The following GFM1 variants were observed in gnomAD, a reference collection of about 807,000 sequenced individuals.
GFM1 encodes G elongation factor mitochondrial 1, also known as elongation factor G, mitochondrial.
GFM1 carries 62 observed loss-of-function variants against 96.2 expected under a neutral mutation model. The ratio of observed to expected loss-of-function variants is 0.64; its 90% confidence interval spans 0.53 to 0.80. The LOEUF (loss-of-function observed/expected upper bound fraction) is 0.80. Ranked by LOEUF, GFM1 falls within the 30% of genes least tolerant of loss-of-function variation. The pLI is 0.00. For synonymous variants in GFM1, 282 were observed against 312.9 expected, an observed-to-expected ratio of 0.90 and a Z score of 1.04; for missense variants, 852 against 916.6, an observed-to-expected ratio of 0.93 and a Z score of 0.91.
In GFM1 at chr3:158,691,672, C is replaced by G; in HGVS notation, c.*205C>G. ...AGGTAATTCTATGTCTATCTCAACT[C>G]TATTGATTGGTTTTATAGTTCATTG... On this transcript the variant is annotated 3_prime_UTR_variant, in exon 18 of 18. Coordinates refer to ENST00000486715, the MANE Select transcript of GFM1 (RefSeq NM_024996.7). 4.0e-6 allele frequency: 2 copies of G among 503,762 alleles called. No homozygotes were observed. Among genetic ancestry groups the G allele is most frequent in the East Asian group, 7.4e-5 (2 of 27,124 alleles). 31.2% of individuals were successfully genotyped at this position (503,762 alleles called of 1,614,324 possible). A position where few individuals can be genotyped will look rare whatever the true frequency, so the allele number is the denominator to read the frequency against.
chr3:158,690,336 G>C lies in GFM1; in HGVS notation c.2070+13G>C. The stretch of plus-strand genomic sequence containing the variant: ...ACTGTATGCAGATGTAAGTAGTCTT[G>C]GTCATTGGCAGTCCTGCTTTTATTA... On this transcript the variant is annotated intron_variant, in intron 16 of 17. Coordinates refer to ENST00000486715, the MANE Select transcript of GFM1 (RefSeq NM_024996.7). 6.2e-7 allele frequency: 1 copy of C among 1,611,948 alleles called. No individual in the cohort carries two copies. Among genetic ancestry groups the C allele is most frequent in the South Asian group, 1.1e-5 (1 of 91,012 alleles).
intron 2 of GFM1, 130 bp from the exon 3 acceptor site, chr3:158,646,035 A>C (rs1278767987): frequency 5.2e-6 from 6 of 1,152,788 alleles, no homozygotes; most frequent in African/African-American, 1.5e-5. Context: ...ATCCTGCCTC[A>C]GTCTCCCACA....
At chr3:158,675,218 G>A (rs182666623) in intron 13 of GFM1, among the ~76,000 whole-genome samples, 2,196 of 149,984 alleles carry the variant, frequency 0.015, 41 homozygotes, top group African/African-American at 0.051. Context: ...CCCAGGAGGC[G>A]GAGGTTGCAG....
intron 13 of GFM1, among the ~76,000 whole-genome samples, chr3:158,679,934 T>C (rs1725222325): frequency 6.6e-6 from 1 of 152,106 alleles, no homozygotes; most frequent in South Asian, 2.1e-4. Context: ...GTAACATAGG[T>C]TATGAGATAA....
At position 158,692,085 on chromosome 3, in the gene GFM1, TAG is replaced by T. The variant is rs1379186890; in HGVS notation, c.*623_*624del. The T allele has an allele frequency of 2.0e-5, 3 of 152,470 alleles. No individual in the cohort carries two copies. The highest frequency in any genetic ancestry group is 1.9e-4 in the East Asian group (1 of 5,198). 9.4% of individuals were successfully genotyped at this position (152,470 alleles called of 1,614,324 possible). ...AAGAGTGGATTCCGTATGTTCTTCA[TAG>T]AGAGTGTTTTTCAGATTCTTCATTG... On this transcript the variant is annotated 3_prime_UTR_variant, in exon 18 of 18. Transcript: ENST00000486715.
chr3:158,670,977 C>G (rs746443971), intron 13 of GFM1: 24 of 1,539,794 alleles, frequency 1.6e-5, no homozygotes, highest in Non-Finnish European at 2.1e-5. Context: ...ATTTCTTCAA[C>G]AGCAAATTTA....
At chr3:158,662,857 T>C (rs1723305363) in intron 11 of GFM1, among the ~76,000 whole-genome samples, 173 bp downstream of exon 11, 1 of 152,154 alleles carries the variant, frequency 6.6e-6, no homozygotes, top group South Asian at 2.1e-4. Context: ...TAATGATAAC[T>C]CCTCAGTATA....
In GFM1 at chr3:158,679,263, A is replaced by T. The variant is rs567206113; in HGVS notation, c.1602-2732A>T. On this transcript the variant is annotated intron_variant, in intron 13 of 17. Coordinates refer to ENST00000486715, the MANE Select transcript of GFM1 (RefSeq NM_024996.7). ...TACTTAATAGACTACAGTATCGTGT[A>T]AACATATAGCTTTTATAAGCACTAG... Among the ~76,000 whole-genome samples the T allele has an allele frequency of 2.0e-5, 3 of 152,338 alleles. No individual in the cohort carries two copies. In the South Asian group the frequency reaches 6.2e-4, roughly 32 times the overall value.
At chr3:158,666,936 T>A (rs1439827618) in intron 13 of GFM1, 1 of 1,537,400 alleles carries the variant, frequency 6.5e-7, no homozygotes, top group African/African-American at 1.4e-5. Context: ...GAGTCAAAAT[T>A]AATAAAGCAT....
rs200902485 is a variant in GFM1 at position 158,653,502 on chromosome 3, A to T, written c.998+35A>T. Reference sequence around the variant, plus strand: ...GAAAATTGAATCTTAGTTTATGCAGAAATACTTTCGTATTTATGCACTGTG... The same window carrying T: ...GAAAATTGAATCTTAGTTTATGCAGTAATACTTTCGTATTTATGCACTGTG... On this transcript the variant is annotated intron_variant, in intron 7 of 17. Transcript: ENST00000486715. 4 of 1,512,266 alleles carry T rather than the reference A, an allele frequency of 2.6e-6. No individual in the cohort carries two copies. In the East Asian group the frequency reaches 9.0e-5, roughly 34 times the overall value. The allele number at this position is 1,512,266 out of a possible 1,614,324, so 93.7% of individuals were successfully genotyped here. A position where few individuals can be genotyped will look rare whatever the true frequency, so the allele number is the denominator to read the frequency against.
In GFM1 at chr3:158,645,644, T is replaced by C. The variant is rs762132920; in HGVS notation, c.97T>C (p.Cys33Arg). 15 of 1,612,924 alleles carry C rather than the reference T, an allele frequency of 9.3e-6. No individual in the cohort carries two copies. The African/African-American group carries it at 1.7e-4, about 19-fold the overall frequency. ...TTTTTTTCAGGTTAATTGGAAGGCC[T>C]GCCGATGGTCTTCATCAGGGGTGAT... ...WQRKQVNWKA[C>R]RWSSSGVIPN... Residue 33 changes from cysteine (C) to arginine (R), a missense_variant, in exon 2 of 18, where the codon TGC (cysteine) becomes CGC (arginine). Physicochemically the swap from Cys to Arg is radical, Grantham distance 180. Transcript: ENST00000486715.
At chr3:158,671,058 A>G (rs1293061119) in intron 13 of GFM1, 4 of 1,474,864 alleles carry the variant, frequency 2.7e-6, no homozygotes, top group Non-Finnish European at 2.7e-6. Context: ...AGAAAATATT[A>G]TAACAACATT....
In GFM1 at chr3:158,644,696, T is replaced by C. The variant is rs777558130; in HGVS notation, c.62T>C (p.Leu21Pro). ...GGGCGCGGAAGGGCCCCCGCCTCCC[T>C]AGGCTGGCAGAGGAAGCAGGTACCG... Reference protein sequence around the residue: ...ALGRGRAPASLGWQRKQVNWK... With the variant: ...ALGRGRAPASPGWQRKQVNWK... The change falls in exon 1 of 18, where the codon CTA becomes CCA. Residue 21 changes from leucine (L) to proline (P), a missense_variant. Physicochemically the swap from Leu to Pro is moderately conservative, Grantham distance 98. Coordinates refer to ENST00000486715, the MANE Select transcript of GFM1 (RefSeq NM_024996.7). The C allele has an allele frequency of 7.0e-6, 11 of 1,578,670 alleles. No individual in the cohort carries two copies. Among genetic ancestry groups the C allele is most frequent in the Non-Finnish European group, 7.7e-6 (9 of 1,163,046 alleles).
At position 158,669,178 on chromosome 3, in the gene GFM1, C is replaced by A. The variant is rs773894222; in HGVS notation, c.1601+2792C>A. 38 of 1,510,730 alleles carry A rather than the reference C, an allele frequency of 2.5e-5. No individual in the cohort carries two copies. The South Asian group carries it at 4.7e-4, about 19-fold the overall frequency. The allele number at this position is 1,510,730 out of a possible 1,614,324, so 93.6% of individuals were successfully genotyped here. A position where few individuals can be genotyped will look rare whatever the true frequency, so the allele number is the denominator to read the frequency against. ...ATGATAATCATATATATAGTATTAA[C>A]CTTTTAAAACAAAATCTAAATTCTA... On this transcript the variant is annotated intron_variant, in intron 13 of 17. Coordinates refer to ENST00000486715, the MANE Select transcript of GFM1 (RefSeq NM_024996.7).
chr3:158,691,227 C>A, intron 17 of GFM1, 35 bp downstream of exon 17: 1 of 1,602,492 alleles, frequency 6.2e-7, no homozygotes, highest in Non-Finnish European at 8.5e-7. Context: ...CAAAAGACCA[C>A]CCTACAGAAT....
At chr3:158,650,904 C>G (rs1030841203) in intron 5 of GFM1, 2 of 151,410 alleles carry the variant, frequency 1.3e-5, no homozygotes, top group African/African-American at 2.4e-5. Context: ...GCCTGTAGTT[C>G]CAGCTACTCG....
Position 158,693,241 on chromosome 3 carries a change from T to C in GFM1, c.*1774T>C, listed in dbSNP as rs1235221874. The C allele has an allele frequency of 2.0e-5, 3 of 152,212 alleles. No individual in the cohort carries two copies. Among genetic ancestry groups the C allele is most frequent in the African/African-American group, 7.2e-5 (3 of 41,446 alleles). The allele number at this position is 152,212 out of a possible 1,614,324, so 9.4% of individuals were successfully genotyped here. A position where few individuals can be genotyped will look rare whatever the true frequency, so the allele number is the denominator to read the frequency against. ...TGGTTGCTTTGGCATTTCCTCAGCATCTTGTGACATTCACAATAACTTTGA... is the reference window on the plus strand; with the variant it reads ...TGGTTGCTTTGGCATTTCCTCAGCACCTTGTGACATTCACAATAACTTTGA... On this transcript the variant is annotated 3_prime_UTR_variant, in exon 18 of 18. Coordinates refer to ENST00000486715, the MANE Select transcript of GFM1 (RefSeq NM_024996.7).
chr3:158,652,408 CT>C (rs905296441), intron 6 of GFM1, among the ~76,000 whole-genome samples, 162 bp downstream of exon 6: 60 of 151,982 alleles, frequency 3.9e-4, no homozygotes, highest in Middle Eastern at 3.4e-3. Flanking sequence ...ACATGGTATA[CT>C]TTTTTTTAAG....
intron 8 of GFM1, chr3:158,656,084 A>G (rs1722730246): frequency 2.9e-6 from 1 of 342,906 alleles, no homozygotes; most frequent in African/African-American, 2.1e-5. Flanking sequence ...GTGAAGTGTT[A>G]TTCTTGTCAC....
Sources: allele counts gnomAD v4.1 joint callset (sites outside exome capture counted in the v4.1 genomes callset), GRCh38; gene constraint gnomAD v4.1.1; transcripts MANE v1.5; gene names NCBI Gene and HGNC (gene_info 2026-07-23, HGNC 2026-07-21).